HECW1: variants seen among roughly 807,000 people sequenced by gnomAD.
HECW1 encodes HECT, C2 and WW domain containing E3 ubiquitin protein ligase 1.
Under a neutral mutation model 182.3 loss-of-function variants are expected in HECW1, and 61 were observed. The observed-to-expected ratio is 0.33, with a 90% CI of 0.27 to 0.41. HECW1 has a LOEUF of 0.41. HECW1 is among the 10% of genes least tolerant of loss of function. The pLI is 1.00. For missense variants in HECW1, 1,739 were observed against 2,108.9 expected (o/e 0.82, Z 3.44); for synonymous variants, 859 against 832.6 (o/e 1.03, Z -0.55).
rs562108462 is a variant in HECW1 at position 43,427,378 on chromosome 7, C to T, written c.802-10625C>T. On this transcript the variant is annotated intron_variant, in intron 8 of 29. Transcript: ENST00000395891. ...CATCTAACAGTAAAATTTCTTCACCCTTTTAACCTAGTACTTCTCTTCAGA... is the reference window on the plus strand; with the variant it reads ...CATCTAACAGTAAAATTTCTTCACCTTTTTAACCTAGTACTTCTCTTCAGA... Among the ~76,000 whole-genome samples the T allele has an allele frequency of 2.6e-5, 4 of 152,274 alleles. No homozygotes were observed. The South Asian group carries it at 8.3e-4, about 32-fold the overall frequency.
At position 43,437,919 on chromosome 7, in the gene HECW1, T is replaced by C. The variant is rs1251629058; in HGVS notation, c.802-84T>C. 13 of 1,376,908 alleles carry C rather than the reference T, an allele frequency of 9.4e-6. No homozygotes were observed. The African/African-American group carries it at 1.9e-4, about 20-fold the overall frequency. 85.3% of individuals were successfully genotyped at this position (1,376,908 alleles called of 1,614,324 possible). On this transcript the variant is annotated intron_variant, in intron 8 of 29. Coordinates refer to ENST00000395891, the MANE Select transcript of HECW1 (RefSeq NM_015052.5). ...ATATTATAGCTAGGATGTTTTACAGTGACAGCATCAAGGCAGATGGACTGG... is the reference window on the plus strand; with the variant it reads ...ATATTATAGCTAGGATGTTTTACAGCGACAGCATCAAGGCAGATGGACTGG...
chr7:43,541,566 A>G (rs1473412341), intron 25 of HECW1, among the ~76,000 whole-genome samples: 1 of 152,242 alleles, frequency 6.6e-6, no homozygotes, highest in East Asian at 1.9e-4. Context: ...TGTTAAGTAG[A>G]ACTGATCTGT....
At chr7:43,331,856 A>G (rs1395840572) in intron 5 of HECW1, among the ~76,000 whole-genome samples, 2 of 152,208 alleles carry the variant, frequency 1.3e-5, no homozygotes, top group Non-Finnish European at 2.9e-5. Flanking sequence ...CTTCAGCACC[A>G]TGGCAGAGCC....
intron 5 of HECW1, among the ~76,000 whole-genome samples, chr7:43,351,440 C>A: frequency 6.6e-6 from 1 of 152,180 alleles, no homozygotes; most frequent in Middle Eastern, 3.4e-3. Context: ...AGATTATATG[C>A]CCTTTATCTT....
intron 2 of HECW1, among the ~76,000 whole-genome samples, chr7:43,223,998 A>G (rs1291158682): frequency 6.6e-6 from 1 of 152,070 alleles, no homozygotes; most frequent in Non-Finnish European, 1.5e-5. Flanking sequence ...CCGCTCCCAC[A>G]TTCATGTATC....
At chr7:43,300,237 C>G (rs1806565369) in intron 3 of HECW1, among the ~76,000 whole-genome samples, 1 of 152,216 alleles carries the variant, frequency 6.6e-6, no homozygotes, top group Non-Finnish European at 1.5e-5. Context: ...ATAGGAATCT[C>G]TTGAGGTAAA....
chr7:43,383,866 T>C (rs771186449), intron 6 of HECW1, among the ~76,000 whole-genome samples: 13 of 152,198 alleles, frequency 8.5e-5, no homozygotes, highest in Non-Finnish European at 1.8e-4. Flanking sequence ...ATTTGTATTA[T>C]ATACCATATT....
chr7:43,142,137 G>A (rs1339103558), intron 2 of HECW1, among the ~76,000 whole-genome samples: 2 of 152,170 alleles, frequency 1.3e-5, no homozygotes, highest in African/African-American at 2.4e-5. Context: ...TGATGGAGGT[G>A]TGGGATGCCT....
intron 3 of HECW1, among the ~76,000 whole-genome samples, chr7:43,292,218 C>T (rs1181937966): frequency 2.0e-5 from 3 of 152,220 alleles, no homozygotes; most frequent in Non-Finnish European, 4.4e-5. Context: ...ACAATCATAT[C>T]TTAGGATAAT....
chr7:43,507,247 G>C lies in HECW1; in HGVS notation c.3742G>C (p.Gly1248Arg), dbSNP rs775482013. ...LEAKGFGQGP[G>R]KIKLIIRRDH... Reference sequence around the variant, plus strand: ...AGCCAAAGGATTTGGTCAGGGTCCGGGGAAAATTAAGTGAGTGCTCCAGTG... The same window carrying C: ...AGCCAAAGGATTTGGTCAGGGTCCGCGGAAAATTAAGTGAGTGCTCCAGTG... The change falls in exon 22 of 30, where the codon GGG (glycine) becomes CGG (arginine). Residue 1248 changes from glycine to arginine, a missense_variant. This residue lies in a region of HECW1 where 420 missense variants were observed against 595.7 expected (regional missense o/e 0.71). Coordinates refer to ENST00000395891, the MANE Select transcript of HECW1 (RefSeq NM_015052.5). The C allele has an allele frequency of 2.5e-6, 4 of 1,613,114 alleles. No homozygotes were observed.
At chr7:43,362,224 A>G (rs1816049036) in intron 6 of HECW1, among the ~76,000 whole-genome samples, 1 of 151,702 alleles carries the variant, frequency 6.6e-6, no homozygotes, top group Non-Finnish European at 1.5e-5. Flanking sequence ...AAAATATTCC[A>G]TTTTGCTGCT....
intron 2 of HECW1, among the ~76,000 whole-genome samples, chr7:43,197,815 AATT>A (rs1794609546): frequency 6.6e-6 from 1 of 151,998 alleles, no homozygotes; most frequent in Non-Finnish European, 1.5e-5. Context: ...CTTGTGCAAA[AATT>A]ATTAAGGATT....
intron 23 of HECW1, 94 bp from the exon 24 acceptor site, chr7:43,508,875 C>T: frequency 7.3e-7 from 1 of 1,364,452 alleles, no homozygotes; most frequent in Non-Finnish European, 1.0e-6. Context: ...CCCCAGCACC[C>T]AACTCTGAAA....
At chr7:43,248,378 G>A (rs925129806) in intron 3 of HECW1, among the ~76,000 whole-genome samples, 2 of 151,988 alleles carry the variant, frequency 1.3e-5, no homozygotes, top group African/African-American at 4.8e-5. Context: ...ACGATCCTGA[G>A]GTTCCCTACA....
At chr7:43,412,895 A>G (rs2075858546) in intron 8 of HECW1, among the ~76,000 whole-genome samples, 1 of 148,408 alleles carries the variant, frequency 6.7e-6, no homozygotes, top group Non-Finnish European at 1.5e-5. Context: ...GCTATTGTGA[A>G]TAATGCCGCA....
At chr7:43,461,904 A>T (rs996247236) in intron 13 of HECW1, among the ~76,000 whole-genome samples, 1 of 152,242 alleles carries the variant, frequency 6.6e-6, no homozygotes, top group Non-Finnish European at 1.5e-5. Flanking sequence ...AATAGTTCTC[A>T]AACCTAGATA....
intron 24 of HECW1, among the ~76,000 whole-genome samples, chr7:43,528,186 A>T (rs2080835857): frequency 6.6e-6 from 1 of 152,208 alleles, no homozygotes; most frequent in South Asian, 2.1e-4. Flanking sequence ...AGCATCCATG[A>T]TATCGCAAAA....
chr7:43,202,217 T>C (rs1795072687), intron 2 of HECW1, among the ~76,000 whole-genome samples: 1 of 152,188 alleles, frequency 6.6e-6, no homozygotes, highest in African/African-American at 2.4e-5. Flanking sequence ...CACAGAGTCT[T>C]GTACTAGAGT....
chr7:43,308,105 A>G (rs1422294066), intron 3 of HECW1, among the ~76,000 whole-genome samples: 20 of 106,454 alleles, frequency 1.9e-4, no homozygotes, highest in Non-Finnish European at 3.4e-4. Context: ...TATGTTATAT[A>G]TAATATAACA....
Sources: gnomAD v4.1 joint callset for allele counts (sites outside exome capture counted in the v4.1 genomes callset) on GRCh38, gnomAD v4.1.1 for gene constraint, gnomAD v4.1.1 regional missense constraint, MANE v1.5 for transcripts, NCBI Gene and HGNC (gene_info 2026-07-23, HGNC 2026-07-21) for gene names.